Variants in DDX50 observed in about 807,000 individuals in gnomAD.
The protein encoded by DDX50 is DExD-box helicase 50, also known as ATP-dependent RNA helicase DDX50.
Under a neutral mutation model 94.8 loss-of-function variants are expected in DDX50, and 56 were observed. The observed-to-expected ratio is 0.59, with a 90% CI of 0.48 to 0.74. DDX50 has a LOEUF of 0.74. Ranked by LOEUF, DDX50 falls within the 30% of genes least tolerant of loss-of-function variation. The pLI, the probability that DDX50 is intolerant of heterozygous loss-of-function variation, is 0.00. For missense variants in DDX50, 713 were observed against 881.2 expected, an observed-to-expected ratio of 0.81 and a Z score of 2.42; for synonymous variants, 264 against 295.4, an observed-to-expected ratio of 0.89 and a Z score of 1.09.
chr10:68,931,392 A>AAATATAT (rs1256416800), intron 8 of DDX50, among the ~76,000 whole-genome samples: 2 of 85,760 alleles, frequency 2.3e-5, no homozygotes, highest in South Asian at 4.1e-4. Context: ...TAAAAAAAAA[A>AAATATAT]ATATATATAT....
intron 8 of DDX50, among the ~76,000 whole-genome samples, chr10:68,922,591 A>T (rs1158642607): frequency 2.6e-5 from 4 of 152,068 alleles, no homozygotes; most frequent in Non-Finnish European, 5.9e-5. Context: ...CCAGGAGTTC[A>T]AGAAAAGCCT....
chr10:68,911,247 G>T lies in DDX50; in HGVS notation c.639+1G>T. 6.3e-7 allele frequency: 1 copy of T among 1,591,678 alleles called. No individual in the cohort carries two copies. Among genetic ancestry groups the T allele is most frequent in the Non-Finnish European group, 8.5e-7 (1 of 1,172,948 alleles). ...AATTAAAAAAAGCCGCTCACCAAAGGTAATCGTTATAGGGGGTAAAAGCTT... is the reference window on the plus strand; with the variant it reads ...AATTAAAAAAAGCCGCTCACCAAAGTTAATCGTTATAGGGGGTAAAAGCTT... On this transcript the variant is annotated splice_donor_variant, in intron 4 of 14. Coordinates refer to ENST00000373585, the MANE Select transcript of DDX50 (RefSeq NM_024045.2). LOFTEE classifies it high-confidence loss of function.
intron 4 of DDX50, among the ~76,000 whole-genome samples, chr10:68,912,793 C>T (rs1345439351): frequency 1.3e-5 from 2 of 152,170 alleles, no homozygotes; most frequent in Non-Finnish European, 2.9e-5. Context: ...GTAAGGAATA[C>T]AGTAACCCAA....
chr10:68,939,605 A>G (rs568866892), intron 12 of DDX50, among the ~76,000 whole-genome samples: 1 of 152,188 alleles, frequency 6.6e-6, no homozygotes, highest in East Asian at 1.9e-4. Context: ...ACTATTACAC[A>G]AGGCCTTTGT....
intron 14 of DDX50, among the ~76,000 whole-genome samples, chr10:68,944,656 C>T (rs1267707769): frequency 6.6e-6 from 1 of 152,132 alleles, no homozygotes; most frequent in Non-Finnish European, 1.5e-5. Flanking sequence ...AAGCGATTCT[C>T]CTCCCTCAGC....
At chr10:68,905,399 A>G (rs57145436) in intron 1 of DDX50, among the ~76,000 whole-genome samples, 1 of 151,864 alleles carries the variant, frequency 6.6e-6, no homozygotes, top group Non-Finnish European at 1.5e-5. Context: ...TGGAAGTATA[A>G]CAATTGGACT....
At chr10:68,916,198 A>G (rs1479989707) in intron 7 of DDX50, among the ~76,000 whole-genome samples, 1 of 152,012 alleles carries the variant, frequency 6.6e-6, no homozygotes, top group Admixed American at 6.6e-5. Flanking sequence ...TACTAAAAAT[A>G]CAAAAATTGG....
chr10:68,902,389 TAGAA>T (rs1841318650), intron 1 of DDX50, among the ~76,000 whole-genome samples: 1 of 152,158 alleles, frequency 6.6e-6, no homozygotes, highest in South Asian at 2.1e-4. Context: ...TGTATAGCCT[TAGAA>T]AGCAGAATCT....
In DDX50 at chr10:68,931,390, A is replaced by AAAAT. The variant is rs1188967538; in HGVS notation, c.1240-2807_1240-2804dup. On this transcript the variant is annotated intron_variant, in intron 8 of 14. Coordinates refer to ENST00000373585, the MANE Select transcript of DDX50 (RefSeq NM_024045.2). Reference sequence around the variant, plus strand: ...GGTGGGTGACGGATCATTAAAAAAAAAAATATATATATATATATATGTATA... The same window carrying AAAAT: ...GGTGGGTGACGGATCATTAAAAAAAAAAATAAATATATATATATATATATGTATA... Among the ~76,000 whole-genome samples, 3 of 46,818 alleles carry AAAAT rather than the reference A, an allele frequency of 6.4e-5. No individual in the cohort carries two copies. The East Asian group carries it at 5.7e-3, about 88-fold the overall frequency. The allele number at this position is 46,818 out of a possible 152,430, so 30.7% of individuals were successfully genotyped here.
intron 2 of DDX50, among the ~76,000 whole-genome samples, chr10:68,908,343 T>A (rs954109801): frequency 6.8e-6 from 1 of 147,260 alleles, no homozygotes; most frequent in Non-Finnish European, 1.5e-5. Flanking sequence ...CCCAGCTACT[T>A]GGGAGGCTGA....
rs1267203552 is a variant in DDX50, at chr10:68,906,932, A to G, written c.309A>G (p.Glu103=). The change falls in exon 2 of 15, where the codon GAA becomes GAG. Residue 103 remains glutamate, a synonymous_variant. Coordinates refer to ENST00000373585, the MANE Select transcript of DDX50 (RefSeq NM_024045.2). ...ATCTACCAAATGGAGATATAGATGA[A>G]TATGAAAAAAAATCAAAGCGAGTAT... is the stretch of plus-strand genomic sequence containing the variant. ...RKDLPNGDID[E]YEKKSKRVSS... is the part of the protein sequence containing the mutation. 6.2e-7 allele frequency: 1 copy of G among 1,601,054 alleles called. No homozygotes were observed. The highest frequency in any genetic ancestry group is 2.2e-5 in the East Asian group (1 of 44,782).
At chr10:68,936,488 C>CA (rs1212336346) in intron 11 of DDX50, among the ~76,000 whole-genome samples, 9 of 26,832 alleles carry the variant, frequency 3.4e-4, no homozygotes, top group Non-Finnish European at 4.1e-4. Flanking sequence ...GACTCTGTCT[C>CA]AAAAAAAAAA....
chr10:68,914,133 T>A lies in DDX50; in HGVS notation c.1018T>A (p.Tyr340Asn), dbSNP rs1841715599. 6.2e-7 allele frequency: 1 copy of A among 1,612,244 alleles called. No individual in the cohort carries two copies. The highest frequency in any genetic ancestry group is 1.3e-5 in the African/African-American group (1 of 74,778). ...PQWVYKVAKK[Y>N]MKSRYEQVDL... ...GTGGGTATACAAAGTTGCAAAAAAA[T>A]ACATGAAATCCAGATATGAACAGGT... Residue 340 changes from tyrosine (Y) to asparagine (N), a missense_variant, in exon 7 of 15, where the codon TAC becomes AAC. Around this residue, in one of 2 missense-constraint regions of DDX50, gnomAD observed 428 missense variants for 602.3 expected, o/e 0.71. Transcript: ENST00000373585.
chr10:68,912,600 A>G (rs777450144), intron 4 of DDX50, among the ~76,000 whole-genome samples: 12 of 152,224 alleles, frequency 7.9e-5, no homozygotes, highest in East Asian at 1.9e-4. Flanking sequence ...ATTTTGGGCA[A>G]GACTTTAATT....
chr10:68,941,212 A>G lies in DDX50; in HGVS notation c.1890+18A>G, dbSNP rs1425395526. 4 of 1,601,592 alleles carry G rather than the reference A, an allele frequency of 2.5e-6. No homozygotes were observed. The highest frequency in any genetic ancestry group is 3.6e-5 in the Admixed American group (2 of 55,570). Reference sequence around the variant, plus strand: ...GAAATATGGTAGGCTTTTCCAGACAATTAAAAAGCTTTTTAATCAACTACC... The same window carrying G: ...GAAATATGGTAGGCTTTTCCAGACAGTTAAAAAGCTTTTTAATCAACTACC... On this transcript the variant is annotated intron_variant, in intron 13 of 14. Transcript: ENST00000373585.
At chr10:68,901,521 G>C in intron 1 of DDX50, 50 bp downstream of exon 1, 2 of 1,531,668 alleles carry the variant, frequency 1.3e-6, no homozygotes, top group Middle Eastern at 1.7e-4. Flanking sequence ...CGGCTTGGGC[G>C]GGGAGGGGAA....
At chr10:68,922,954 G>C (rs1841979910) in intron 8 of DDX50, among the ~76,000 whole-genome samples, 1 of 150,832 alleles carries the variant, frequency 6.6e-6, no homozygotes, top group Admixed American at 6.6e-5. Flanking sequence ...ACCACACCCA[G>C]CTAGTTTTTG....
rs1231500704 is a variant in DDX50 at position 68,946,818 on chromosome 10, A to T, written c.*188A>T. 4.4e-6 allele frequency: 3 copies of T among 680,278 alleles called. No individual in the cohort carries two copies. Among genetic ancestry groups the T allele is most frequent in the East Asian group, 2.9e-5 (1 of 34,368 alleles). The allele number at this position is 680,278 out of a possible 1,614,324, so 42.1% of individuals were successfully genotyped here. A position where few individuals can be genotyped will look rare whatever the true frequency, so the allele number is the denominator to read the frequency against. ...TACTTATCCAGTTATACCTTTGAAT[A>T]AAAAAACCTCCTTTTATTGTCTCTT... On this transcript the variant is annotated 3_prime_UTR_variant, in exon 15 of 15. Transcript: ENST00000373585.
chr10:68,908,710 G>A (rs1258706924), intron 2 of DDX50, among the ~76,000 whole-genome samples: 1 of 136,914 alleles, frequency 7.3e-6, no homozygotes, highest in Non-Finnish European at 1.5e-5. Flanking sequence ...GTGTGATCAT[G>A]GCTCACTGCA....
Sources: gnomAD v4.1 joint callset for allele counts (sites outside exome capture counted in the v4.1 genomes callset) on GRCh38, gnomAD v4.1.1 for gene constraint, gnomAD v4.1.1 regional missense constraint, MANE v1.5 for transcripts, NCBI Gene and HGNC (gene_info 2026-07-23, HGNC 2026-07-21) for gene names.